The following STXBP6 variants were observed in gnomAD, a reference collection of about 807,000 sequenced individuals.
The protein encoded by STXBP6 is syntaxin binding protein 6, also known as syntaxin-binding protein 6.
In STXBP6, 21 loss-of-function variants were observed where a neutral mutation model predicts 26.9. The ratio of observed to expected loss-of-function variants is 0.78; its 90% CI spans 0.55 to 1.12. The LOEUF (loss-of-function observed/expected upper bound fraction) is 1.12. Among genes scored for constraint, STXBP6 ranks in the 50% most tolerant of loss-of-function variants. The probability of loss-of-function intolerance (pLI) is 0.00; values close to 1 mark genes in which losing one functional copy is unlikely to be tolerated. For missense variants in STXBP6, 232 were observed against 257.9 expected, an observed-to-expected ratio of 0.90 and a Z score of 0.69; for synonymous variants, 97 against 92.6, an observed-to-expected ratio of 1.05 and a Z score of -0.27.
chr14:24,911,561 T>C (rs2071576495), intron 2 of STXBP6, among the ~76,000 whole-genome samples: 2 of 152,124 alleles, frequency 1.3e-5, no homozygotes, highest in Non-Finnish European at 2.9e-5. Context: ...CTTCTCAAAG[T>C]TGGAAAGCAC....
At chr14:25,011,611 A>AAACTTT (rs1191204281) in intron 1 of STXBP6, among the ~76,000 whole-genome samples, 2 of 152,212 alleles carry the variant, frequency 1.3e-5, no homozygotes, top group Admixed American at 1.3e-4. Flanking sequence ...CAGAGACTAC[A>AAACTTT]AAATCCAGTT....
intron 4 of STXBP6, among the ~76,000 whole-genome samples, chr14:24,828,837 G>A (rs1230994377): frequency 2.6e-5 from 4 of 152,174 alleles, no homozygotes. Context: ...TAATATACAA[G>A]AGCGATGCAC....
rs532608158 is a variant in STXBP6 at position 25,004,237 on chromosome 14, T to C, written c.-32-29387A>G. Among the ~76,000 whole-genome samples, 71 of 152,234 alleles carry C rather than the reference T, an allele frequency of 4.7e-4. 1 individual carries two copies. The highest frequency in any genetic ancestry group is 6.8e-3 in the Middle Eastern group (2 of 294). On this transcript the variant is annotated intron_variant, in intron 1 of 5. Transcript: ENST00000323944. ...TGAAACTACAACTAAAACGGCTGAG[T>C]AGGATTTTCTCAGGCTACACATGCC...
At chr14:24,944,776 C>G (rs1398247372) in intron 2 of STXBP6, among the ~76,000 whole-genome samples, 1 of 152,058 alleles carries the variant, frequency 6.6e-6, no homozygotes, top group Non-Finnish European at 1.5e-5. Flanking sequence ...TTTTGTAGGA[C>G]AGTACTCTCC....
At chr14:24,854,954 A>T (rs2069277022) in intron 4 of STXBP6, among the ~76,000 whole-genome samples, 1 of 152,058 alleles carries the variant, frequency 6.6e-6, no homozygotes. Flanking sequence ...CCTAAGAAAG[A>T]CCTTCCAAGG....
intron 2 of STXBP6, among the ~76,000 whole-genome samples, chr14:24,956,862 ACACAAAGCAGT>A (rs1450980341): frequency 2.6e-5 from 4 of 152,188 alleles, no homozygotes; most frequent in Non-Finnish European, 4.4e-5. Flanking sequence ...GGTAATGCAG[ACACAAAGCAGT>A]CAGGTTGTGC....
intron 1 of STXBP6, among the ~76,000 whole-genome samples, chr14:24,979,203 C>T (rs1244227050): frequency 1.3e-5 from 2 of 152,260 alleles, no homozygotes; most frequent in Non-Finnish European, 2.9e-5. Flanking sequence ...GTTTAACATG[C>T]AATCCTCTGA....
intron 1 of STXBP6, among the ~76,000 whole-genome samples, chr14:25,028,332 T>C (rs1010395964): frequency 6.6e-6 from 1 of 152,158 alleles, no homozygotes; most frequent in African/African-American, 2.4e-5. Flanking sequence ...CTGGTGACTT[T>C]AAGTTGAATC....
At chr14:24,892,191 T>C (rs1566449891) in intron 2 of STXBP6, among the ~76,000 whole-genome samples, 1 of 144,046 alleles carries the variant, frequency 6.9e-6, no homozygotes, top group Non-Finnish European at 1.5e-5. Flanking sequence ...ACAAAGGTAA[T>C]GTATACATTA....
chr14:24,933,205 A>G (rs57929289), intron 2 of STXBP6, among the ~76,000 whole-genome samples: 10,585 of 152,132 alleles, frequency 0.07, 643 homozygotes, highest in African/African-American at 0.16. Context: ...AGCTGGGTGC[A>G]GTGGTGACTG....
At chr14:24,838,320 G>T (rs2068683231) in intron 4 of STXBP6, among the ~76,000 whole-genome samples, 1 of 152,092 alleles carries the variant, frequency 6.6e-6, no homozygotes, top group Non-Finnish European at 1.5e-5. Flanking sequence ...AAGCTTCACT[G>T]GTTTTTAAAT....
chr14:24,935,715 G>A lies in STXBP6; in HGVS notation c.154+38950C>T, dbSNP rs138427156. On this transcript the variant is annotated intron_variant, in intron 2 of 5. Coordinates refer to ENST00000323944, the MANE Select transcript of STXBP6 (RefSeq NM_001394410.1). Reference sequence around the variant, plus strand: ...ACACACTTGTTATTTCAGATTATATGACACTAAAATACAATTATACTAGAT... The same window carrying A: ...ACACACTTGTTATTTCAGATTATATAACACTAAAATACAATTATACTAGAT... Among the ~76,000 whole-genome samples the A allele has an allele frequency of 3.1e-3, 475 of 152,240 alleles. 16 individuals are homozygous for A. The highest frequency in any genetic ancestry group is 0.028 in the Admixed American group (421 of 15,298).
chr14:24,961,310 T>C (rs1483364384), intron 2 of STXBP6, among the ~76,000 whole-genome samples: 1 of 152,014 alleles, frequency 6.6e-6, no homozygotes, highest in Non-Finnish European at 1.5e-5. Flanking sequence ...AAATAACTAT[T>C]GGGTAATAGG....
At chr14:24,986,245 TCA>T (rs1299141758) in intron 1 of STXBP6, among the ~76,000 whole-genome samples, 1 of 152,326 alleles carries the variant, frequency 6.6e-6, no homozygotes, top group Non-Finnish European at 1.5e-5. Flanking sequence ...CCTTGAATTT[TCA>T]CAGTTTGTTT....
At chr14:24,818,674 T>C (rs2138729465) in intron 5 of STXBP6, among the ~76,000 whole-genome samples, 1 of 152,258 alleles carries the variant, frequency 6.6e-6, no homozygotes, top group African/African-American at 2.4e-5. Flanking sequence ...CCTCCATGTG[T>C]TGGCTAAGTG....
chr14:24,987,455 T>C (rs2140268703), intron 1 of STXBP6, among the ~76,000 whole-genome samples: 1 of 152,352 alleles, frequency 6.6e-6, no homozygotes, highest in Admixed American at 6.5e-5. Flanking sequence ...ATCAGCTCCC[T>C]GGGTCCAACT....
chr14:24,816,767 C>T (rs955119101), intron 5 of STXBP6: 4 of 152,158 alleles, frequency 2.6e-5, no homozygotes, highest in Middle Eastern at 3.4e-3. Context: ...CATGAGGGCC[C>T]TCCCACACCC....
At chr14:24,941,209 T>C (rs751062505) in intron 2 of STXBP6, among the ~76,000 whole-genome samples, 1 of 152,180 alleles carries the variant, frequency 6.6e-6, no homozygotes, top group African/African-American at 2.4e-5. Context: ...CTAGATACCA[T>C]ATTCACAAAG....
chr14:25,042,285 T>C (rs987647760), intron 1 of STXBP6, among the ~76,000 whole-genome samples: 2 of 152,212 alleles, frequency 1.3e-5, no homozygotes, highest in African/African-American at 4.8e-5. Context: ...CAGCTCATAA[T>C]GTCCTCATGC....
Sources: allele counts gnomAD v4.1 joint callset (sites outside exome capture counted in the v4.1 genomes callset), GRCh38; gene constraint gnomAD v4.1.1; transcripts MANE v1.5; gene names NCBI Gene and HGNC (gene_info 2026-07-23, HGNC 2026-07-21).